The following ACTR2 variants were observed in gnomAD, a reference collection of about 807,000 sequenced individuals.
ACTR2 encodes actin-related protein 2.
In ACTR2, 5 loss-of-function variants were observed where a neutral mutation model predicts 50.2. The ratio of observed to expected loss-of-function variants is 0.10; its 90% CI spans 0.05 to 0.21. The LOEUF (loss-of-function observed/expected upper bound fraction) is 0.21. Among genes scored for constraint, ACTR2 ranks in the 10% least tolerant of loss-of-function variants. ACTR2 has a pLI of 1.00. For synonymous variants in ACTR2, 140 were observed against 162.9 expected (o/e 0.86, Z 1.07); for missense variants, 180 against 480.6 (o/e 0.37, Z 5.85).
chr2:65,228,133 T>G (rs2103974039), intron 1 of ACTR2, 176 bp downstream of exon 1: 1 of 507,066 alleles, frequency 2.0e-6, no homozygotes, highest in Middle Eastern at 5.5e-4. Flanking sequence ...CTGGTCTCCC[T>G]TGAGCCTGCC....
chr2:65,233,456 A>G (rs1671677529), intron 1 of ACTR2, among the ~76,000 whole-genome samples: 1 of 151,836 alleles, frequency 6.6e-6, no homozygotes, highest in Non-Finnish European at 1.5e-5. Context: ...GGAGTTCAAG[A>G]CCATCCTGAG....
At position 65,271,205 on chromosome 2, in the gene ACTR2, A is replaced by G. The variant is rs1672488436; in HGVS notation, c.*2471A>G. On this transcript the variant is annotated 3_prime_UTR_variant, in exon 9 of 9. Coordinates refer to ENST00000260641, the MANE Select transcript of ACTR2 (RefSeq NM_005722.4). ...AGCTAAACAGTCTAAATTAACATGA[A>G]ATACTTCATTTTGATTGAGAAAATA... The G allele has an allele frequency of 6.6e-6, 1 of 152,180 alleles. No individual in the cohort carries two copies. Among genetic ancestry groups the G allele is most frequent in the Non-Finnish European group, 1.5e-5 (1 of 68,022 alleles). 9.4% of individuals were successfully genotyped at this position (152,180 alleles called of 1,614,324 possible). A position where few individuals can be genotyped will look rare whatever the true frequency, so the allele number is the denominator to read the frequency against.
chr2:65,253,086 T>A (rs573559088), intron 4 of ACTR2, among the ~76,000 whole-genome samples: 1 of 152,312 alleles, frequency 6.6e-6, no homozygotes, highest in Admixed American at 6.5e-5. Flanking sequence ...CAGTATATGT[T>A]ATTTGTAGTA....
chr2:65,264,438 A>C (rs1385245906), intron 7 of ACTR2, among the ~76,000 whole-genome samples: 2 of 152,196 alleles, frequency 1.3e-5, no homozygotes, highest in Non-Finnish European at 2.9e-5. Context: ...CCTCGCTCAG[A>C]TTCTGTTACT....
intron 2 of ACTR2, among the ~76,000 whole-genome samples, chr2:65,245,240 C>T (rs960176934): frequency 6.6e-6 from 1 of 151,578 alleles, no homozygotes; most frequent in Admixed American, 6.6e-5. Flanking sequence ...CTCATGTTGG[C>T]CAGGTGTGGT....
Position 65,251,109 on chromosome 2 carries a change from G to A in ACTR2, c.448+10G>A, listed in dbSNP as rs761208378. 1.3e-6 allele frequency: 2 copies of A among 1,576,192 alleles called. No individual in the cohort carries two copies. Among genetic ancestry groups the A allele is most frequent in the South Asian group, 1.2e-5 (1 of 84,812 alleles). On this transcript the variant is annotated intron_variant, in intron 4 of 8. Coordinates refer to ENST00000260641, the MANE Select transcript of ACTR2 (RefSeq NM_005722.4). The stretch of plus-strand genomic sequence containing the variant: ...ACTTTGTACGCTCAAGGTAGGTTAA[G>A]CTTAACTGTTAGAAAAAACACTTCA...
At chr2:65,257,703 CT>C (rs1351265891) in intron 6 of ACTR2, among the ~76,000 whole-genome samples, 33 of 152,198 alleles carry the variant, frequency 2.2e-4, no homozygotes, top group Non-Finnish European at 3.2e-4. Context: ...CGATGATGAG[CT>C]TTTTTTCTTA....
chr2:65,242,387 A>G (rs1671855530), intron 2 of ACTR2, among the ~76,000 whole-genome samples: 1 of 152,212 alleles, frequency 6.6e-6, no homozygotes. Flanking sequence ...ATGGCTTTAT[A>G]TAGGATATGT....
intron 1 of ACTR2, among the ~76,000 whole-genome samples, chr2:65,236,591 G>T (rs1177021556): frequency 6.6e-6 from 1 of 151,144 alleles, no homozygotes; most frequent in Admixed American, 6.6e-5. Context: ...GTTTTGTTTT[G>T]TTTTTTTTGA....
chr2:65,250,959 G>A, intron 3 of ACTR2, 68 bp from the exon 4 acceptor site: 8 of 1,124,288 alleles, frequency 7.1e-6, no homozygotes, highest in Non-Finnish European at 1.0e-5. Flanking sequence ...CTGTGACCAT[G>A]AGGAAAACAT....
chr2:65,266,417 G>A (rs1672373361), intron 8 of ACTR2, among the ~76,000 whole-genome samples: 2 of 152,196 alleles, frequency 1.3e-5, no homozygotes, highest in South Asian at 2.1e-4. Flanking sequence ...TGGTGGGAGT[G>A]TGCCAGTGTG....
At chr2:65,257,286 T>A (rs1452292501) in intron 6 of ACTR2, among the ~76,000 whole-genome samples, 1 of 152,248 alleles carries the variant, frequency 6.6e-6, no homozygotes, top group African/African-American at 2.4e-5. Flanking sequence ...CTCATTCATT[T>A]TTTTATGGCT....
intron 6 of ACTR2, 123 bp from the exon 7 acceptor site, chr2:65,261,124 A>G (rs1672261215): frequency 9.9e-6 from 9 of 909,696 alleles, no homozygotes; most frequent in Non-Finnish European, 1.5e-5. Flanking sequence ...TATTTTAGGA[A>G]AAATTGTTGT....
chr2:65,229,553 T>C (rs6546138), intron 1 of ACTR2, among the ~76,000 whole-genome samples: 49,757 of 151,686 alleles, frequency 0.33, 9,114 homozygotes, highest in African/African-American at 0.48. Flanking sequence ...GTCAGGAGTT[T>C]GAGACCAGGC....
Position 65,270,304 on chromosome 2 carries a change from C to T in ACTR2, c.*1570C>T, listed in dbSNP as rs1672467173. 1 of 152,512 alleles carries T rather than the reference C, an allele frequency of 6.6e-6. No homozygotes were observed. Among genetic ancestry groups the T allele is most frequent in the Admixed American group, 6.5e-5 (1 of 15,270 alleles). The allele number at this position is 152,512 out of a possible 1,614,324, so 9.4% of individuals were successfully genotyped here. Reference sequence around the variant, plus strand: ...TGAGGGTCTCTGTTTGGTAAGAATACATCATTAGCTTAAATAAGCAGCAGA... The same window carrying T: ...TGAGGGTCTCTGTTTGGTAAGAATATATCATTAGCTTAAATAAGCAGCAGA... On this transcript the variant is annotated 3_prime_UTR_variant, in exon 9 of 9. Coordinates refer to ENST00000260641, the MANE Select transcript of ACTR2 (RefSeq NM_005722.4).
intron 1 of ACTR2, among the ~76,000 whole-genome samples, chr2:65,238,598 G>GCGC (rs1170052116): frequency 6.7e-6 from 1 of 149,452 alleles, no homozygotes; most frequent in Non-Finnish European, 1.5e-5. Flanking sequence ...GGTGGAGCTT[G>GCGC]CGGTGAGCCG....
intron 2 of ACTR2, among the ~76,000 whole-genome samples, chr2:65,241,377 T>A (rs1413776059): frequency 6.6e-6 from 1 of 152,170 alleles, no homozygotes; most frequent in Non-Finnish European, 1.5e-5. Context: ...TAACTACACA[T>A]CTCTTCATGC....
rs78543148 is a variant in ACTR2 at position 65,261,628 on chromosome 2, C to T, written c.881+236C>T. ...TGTTCTTCATGTTTGCTTTTTCATT[C>T]TGTTTTTTCTGAACCGTTTGAGGGT... On this transcript the variant is annotated intron_variant, in intron 7 of 8. Transcript: ENST00000260641. 2.3e-3 allele frequency among the ~76,000 whole-genome samples: 346 copies of T among 152,236 alleles called. 1 individual carries two copies. Among genetic ancestry groups the T allele is most frequent in the African/African-American group, 7.7e-3 (320 of 41,530 alleles).
At chr2:65,266,321 G>T (rs529950142) in intron 8 of ACTR2, among the ~76,000 whole-genome samples, 1 of 152,290 alleles carries the variant, frequency 6.6e-6, no homozygotes, top group East Asian at 1.9e-4. Context: ...TTTGATCAGA[G>T]ACCTAAGTTG....
Sources: gnomAD v4.1 joint callset for allele counts (sites outside exome capture counted in the v4.1 genomes callset) on GRCh38, gnomAD v4.1.1 for gene constraint, MANE v1.5 for transcripts, NCBI Gene and HGNC (gene_info 2026-07-23, HGNC 2026-07-21) for gene names.